TNXB: variants seen among roughly 807,000 people sequenced by gnomAD.
The protein encoded by TNXB is tenascin-X.
In TNXB, 183 loss-of-function variants were observed where a neutral mutation model predicts 340.5. The observed-to-expected ratio is 0.54, with a 90% CI of 0.48 to 0.61. The LOEUF (loss-of-function observed/expected upper bound fraction) is 0.61, where lower values mean the gene tolerates loss of function less well. Among genes scored for constraint, TNXB ranks in the 20% least tolerant of loss-of-function variants. The pLI is 0.00. For synonymous variants in TNXB, 2,121 were observed against 2,314.5 expected, an observed-to-expected ratio of 0.92 and a Z score of 2.40; for missense variants, 4,613 against 5,446.4, an observed-to-expected ratio of 0.85 and a Z score of 4.82.
chr6:32,071,123 G>C (rs1298984060), intron 13 of TNXB, among the ~76,000 whole-genome samples: 3 of 152,204 alleles, frequency 2.0e-5, no homozygotes, highest in Non-Finnish European at 4.4e-5. Flanking sequence ...CATTGTTATT[G>C]CAAGTTTTCT....
chr6:32,045,384 T>A, intron 31 of TNXB, 58 bp from the exon 32 acceptor site: 1 of 1,105,514 alleles, frequency 9.0e-7, no homozygotes, highest in South Asian at 1.5e-5. Context: ...GGTGCTCCAT[T>A]TTTATCTTCC....
rs2151901518 is a variant in TNXB, at chr6:32,056,582, T to C, written c.8143+4A>G. On this transcript the variant is annotated splice_donor_region_variant and intron_variant, in intron 23 of 43. Coordinates refer to ENST00000644971, the MANE Select transcript of TNXB (RefSeq NM_001365276.2). Reference sequence around the variant, plus strand: ...CCACCCTGGGGCTGCCATCATCCACTCACCCGTCACCCCAATGACAGAGAT... The same window carrying C: ...CCACCCTGGGGCTGCCATCATCCACCCACCCGTCACCCCAATGACAGAGAT... The C allele has an allele frequency of 6.2e-7, 1 of 1,612,544 alleles. No individual in the cohort carries two copies. Among genetic ancestry groups the C allele is most frequent in the Non-Finnish European group, 8.5e-7 (1 of 1,179,568 alleles).
In TNXB at chr6:32,067,096, T is replaced by TGAAA. The variant is rs28986184; in HGVS notation, c.6544+561_6544+564dup. Among the ~76,000 whole-genome samples, 11 of 20,746 alleles carry TGAAA rather than the reference T, an allele frequency of 5.3e-4. No individual in the cohort carries two copies. The highest frequency in any genetic ancestry group is 1.7e-3 in the South Asian group (1 of 604). 13.6% of individuals were successfully genotyped at this position (20,746 alleles called of 152,430 possible). ...GTCTAAAAAGAAAGAAAGAAAAGAA[T>TGAAA]GAAAGAAAGAAAGAAAGAGAAAGAA... On this transcript the variant is annotated intron_variant, in intron 18 of 43. Transcript: ENST00000644971. This position sits in a 1 kb window ranked among gnomAD's most constrained non-coding sequence, Gnocchi z 4.2.
Position 32,056,600 on chromosome 6 carries a change from A to T in TNXB, c.8129T>A (p.Val2710Asp). Residue 2710 changes from valine to aspartate, a missense_variant, in exon 23 of 44, where the codon GTC becomes GAC. Physicochemically the swap from Val to Asp is radical, Grantham distance 152. Around this residue, in one of 7 missense-constraint regions of TNXB, gnomAD observed 4,327 missense variants for 4,859.4 expected, o/e 0.89. Transcript: ENST00000644971. ...HGGQRVGPIS[V>D]IGVTAAEEET... ...CATCCACTCACCCGTCACCCCAATG[A>T]CAGAGATGGGGCCCACGCGCTGGCC... 1 of 1,612,996 alleles carries T rather than the reference A, an allele frequency of 6.2e-7. No individual in the cohort carries two copies. The highest frequency in any genetic ancestry group is 8.5e-7 in the Non-Finnish European group (1 of 1,179,838).
Position 32,081,522 on chromosome 6 carries a change from C to A in TNXB, c.3888G>T (p.Lys1296Asn). Residue 1296 changes from lysine to asparagine, a missense_variant, in exon 10 of 44, where the codon AAG becomes AAT. By Grantham distance (94) the Lys-to-Asn change is moderately conservative (BLOSUM62 0). Around this residue, in one of 7 missense-constraint regions of TNXB, gnomAD observed 4,327 missense variants for 4,859.4 expected, o/e 0.89. Transcript: ENST00000644971. This position sits in a 1 kb window ranked among gnomAD's most constrained non-coding sequence, Gnocchi z 5.1. Reference protein sequence around the residue: ...GPFDSFMVQYKDAQGQPQAVP... With the variant: ...GPFDSFMVQYNDAQGQPQAVP... ...CTGCCTGGGGCTGCCCCTGTGCATC[C>A]TTGTACTGGACCATGAATGAGTCGA... 1 of 1,607,592 alleles carries A rather than the reference C, an allele frequency of 6.2e-7. No homozygotes were observed.
In TNXB at chr6:32,081,380, C is replaced by T; in HGVS notation, c.4030G>A (p.Val1344Met). 1 of 1,539,252 alleles carries T rather than the reference C, an allele frequency of 6.5e-7. No individual in the cohort carries two copies. The highest frequency in any genetic ancestry group is 8.8e-7 in the Non-Finnish European group (1 of 1,139,232). Reference protein sequence around the residue: ...GRQRVGPESVVAKTAPQEDVD... With the variant: ...GRQRVGPESVMAKTAPQEDVD... ...AGCCATGACTCACCAGTCTTGGCCA[C>T]CACAGACTCGGGCCCCACACGCTGC... The change falls in exon 10 of 44, where the codon GTG becomes ATG. Residue 1344 changes from valine to methionine, a missense_variant. Val to Met is a conservative substitution (Grantham distance 21). This residue lies in a region of TNXB where 4,327 missense variants were observed against 4,859.4 expected (regional missense o/e 0.89). Coordinates refer to ENST00000644971, the MANE Select transcript of TNXB (RefSeq NM_001365276.2). The surrounding 1 kb of genome is among the most constrained non-coding windows in gnomAD (Gnocchi z 5.1).
Position 32,061,538 on chromosome 6 carries a change from G to A in TNXB, c.7351C>T (p.Arg2451Trp), listed in dbSNP as rs201990072. 73 of 1,613,426 alleles carry A rather than the reference G, an allele frequency of 4.5e-5. No individual in the cohort carries two copies. The African/African-American group carries it at 7.6e-4, about 17-fold the overall frequency. Residue 2451 changes from arginine (R) to tryptophan (W), a missense_variant, in exon 21 of 44, where the codon CGG becomes TGG. Physicochemically the swap from Arg to Trp is moderately radical, Grantham distance 101. Around this residue, in one of 7 missense-constraint regions of TNXB, gnomAD observed 4,327 missense variants for 4,859.4 expected, o/e 0.89. Coordinates refer to ENST00000644971, the MANE Select transcript of TNXB (RefSeq NM_001365276.2). The surrounding 1 kb of genome is among the most constrained non-coding windows in gnomAD (Gnocchi z 4.4). Reference sequence around the variant, plus strand: ...CCCCCAACACGCACCACCTGGGGCCGCCCGTCCCTGTCCTTGTACTGCACG... The same window carrying A: ...CCCCCAACACGCACCACCTGGGGCCACCCGTCCCTGTCCTTGTACTGCACG... Reference protein sequence around the residue: ...FTVQYKDRDGRPQVVRVGGEE... With the variant: ...FTVQYKDRDGWPQVVRVGGEE...
At position 32,042,375 on chromosome 6, in the gene TNXB, T is replaced by C. The variant is rs758499484; in HGVS notation, c.12211-13A>G. Reference sequence around the variant, plus strand: ...GGCGCTGGAACACCTGGGAAGCAAGTGGGGGCACCATCAGCCTCTGGCTCC... The same window carrying C: ...GGCGCTGGAACACCTGGGAAGCAAGCGGGGGCACCATCAGCCTCTGGCTCC... On this transcript the variant is annotated splice_polypyrimidine_tract_variant and intron_variant, in intron 40 of 43. Transcript: ENST00000644971. The C allele has an allele frequency of 2.5e-6, 4 of 1,591,402 alleles. 1 individual carries two copies. In the African/African-American group the frequency reaches 4.3e-5, roughly 17 times the overall value.
rs953595003 is a variant in TNXB at position 32,070,383 on chromosome 6, T to G, written c.5022A>C (p.Pro1674=). 1 of 1,596,864 alleles carries G rather than the reference T, an allele frequency of 6.3e-7. No homozygotes were observed. Among genetic ancestry groups the G allele is most frequent in the Admixed American group, 1.7e-5 (1 of 59,618 alleles). Residue 1674 remains proline (P), a synonymous_variant, in exon 14 of 44, where the codon CCA becomes CCC. Transcript: ENST00000644971. The surrounding 1 kb of genome is among the most constrained non-coding windows in gnomAD (Gnocchi z 6.0). ...VARGDASPGA[P]PRLGELWVTD... is the part of the protein sequence containing the mutation. ...TCACCCACAGCTCCCCAAGGCGGGG[T>G]GGGGCCCCTGGGCTGGCGTCACCTC... is the stretch of plus-strand genomic sequence containing the variant.
Position 32,067,205 on chromosome 6 carries a change from T to C in TNXB, c.6544+456A>G, listed in dbSNP as rs1013869414. On this transcript the variant is annotated intron_variant, in intron 18 of 43. Transcript: ENST00000644971. This position sits in a 1 kb window ranked among gnomAD's most constrained non-coding sequence, Gnocchi z 4.2. ...AAAGAAAACATTCTAGTGATTCTAG[T>C]GGAGGAAGTGGGTGGGGCAGAGATG... Among the ~76,000 whole-genome samples the C allele has an allele frequency of 7.0e-6, 1 of 142,628 alleles. No individual in the cohort carries two copies. Among genetic ancestry groups the C allele is most frequent in the Non-Finnish European group, 1.6e-5 (1 of 63,884 alleles). 93.6% of individuals were successfully genotyped at this position (142,628 alleles called of 152,430 possible).
At chr6:32,102,090 T>A (rs1225538503) in intron 1 of TNXB, among the ~76,000 whole-genome samples, 2 of 152,130 alleles carry the variant, frequency 1.3e-5, no homozygotes, top group Non-Finnish European at 2.9e-5. Flanking sequence ...AAAACCACAA[T>A]AAGATGCCAC....
At chr6:32,043,945 G>C in intron 34 of TNXB, 53 bp from the exon 35 acceptor site, 1 of 1,611,442 alleles carries the variant, frequency 6.2e-7, no homozygotes, top group Non-Finnish European at 8.5e-7. Context: ...GCAGCTGGAG[G>C]GTGGGCAGAG....
Position 32,055,897 on chromosome 6 carries a change from G to A in TNXB, c.8421C>T (p.Leu2807=). The change falls in exon 24 of 44, where the codon CTC becomes CTT. Residue 2807 remains leucine (L), a synonymous_variant. Transcript: ENST00000644971. Reference sequence around the variant, plus strand: ...CCGGGCCCACACGCCGCCCCTCGTGGAGGCCGTACAGGTGCATCTTGTATT... The same window carrying A: ...CCGGGCCCACACGCCGCCCCTCGTGAAGGCCGTACAGGTGCATCTTGTATT... The part of the protein sequence containing the change: ...GRKYKMHLYG[L]HEGRRVGPVS... 6.2e-7 allele frequency: 1 copy of A among 1,613,184 alleles called. No individual in the cohort carries two copies.
rs1047011352 is a variant in TNXB at position 32,046,814 on chromosome 6, TGA to T, written c.10325-360_10325-359del. Among the ~76,000 whole-genome samples, 112 of 152,126 alleles carry T rather than the reference TGA, an allele frequency of 7.4e-4. No homozygotes were observed. Among genetic ancestry groups the T allele is most frequent in the African/African-American group, 2.6e-3 (108 of 41,442 alleles). ...CCCTGAGCAAGAATGAGGCCAGAGC[TGA>T]GAGAGACTCCCCGGAGGTCTCTGGG... On this transcript the variant is annotated intron_variant, in intron 30 of 43. Coordinates refer to ENST00000644971, the MANE Select transcript of TNXB (RefSeq NM_001365276.2). This position sits in a 1 kb window ranked among gnomAD's most constrained non-coding sequence, Gnocchi z 6.9.
In TNXB at chr6:32,056,148, T is replaced by C; in HGVS notation, c.8170A>G (p.Thr2724Ala). ...TAAEEETPSP[T>A]ELSTEAPEPP... Reference sequence around the variant, plus strand: ...TCCGGGGCCTCAGTGCTGAGTTCCGTGGGGCTGGGGGTCTCTTCCTCTGCA... The same window carrying C: ...TCCGGGGCCTCAGTGCTGAGTTCCGCGGGGCTGGGGGTCTCTTCCTCTGCA... Residue 2724 changes from threonine to alanine, a missense_variant, in exon 24 of 44, where the codon ACG (threonine) becomes GCG (alanine). Physicochemically the swap from Thr to Ala is moderately conservative, Grantham distance 58. Coordinates refer to ENST00000644971, the MANE Select transcript of TNXB (RefSeq NM_001365276.2). The C allele has an allele frequency of 6.2e-7, 1 of 1,612,096 alleles. No individual in the cohort carries two copies. The highest frequency in any genetic ancestry group is 8.5e-7 in the Non-Finnish European group (1 of 1,179,424).
chr6:32,064,951 C>T lies in TNXB; in HGVS notation c.6711G>A (p.Ala2237=), dbSNP rs376198482. The T allele has an allele frequency of 2.2e-4, 361 of 1,612,702 alleles. No homozygotes were observed. Among genetic ancestry groups the T allele is most frequent in the Non-Finnish European group, 2.9e-4 (344 of 1,179,872 alleles). ...CATCCTCGTGTCCCGGCACCCGCAC[C>T]GCCTTGGGCTGCCCGTCCCCATTCT... is the stretch of plus-strand genomic sequence containing the variant. ...QFKNGDGQPK[A]VRVPGHEDGV... Residue 2237 remains alanine, a synonymous_variant, in exon 19 of 44, where the codon GCG becomes GCA. Coordinates refer to ENST00000644971, the MANE Select transcript of TNXB (RefSeq NM_001365276.2). This position sits in a 1 kb window ranked among gnomAD's most constrained non-coding sequence, Gnocchi z 5.3.
chr6:32,066,901 C>T (rs1778368922), intron 18 of TNXB, among the ~76,000 whole-genome samples: 1 of 152,016 alleles, frequency 6.6e-6, no homozygotes. Context: ...TAAACCCTGT[C>T]TCTACAAAAA....
At position 32,053,439 on chromosome 6, in the gene TNXB, C is replaced by T. The variant is rs200708257; in HGVS notation, c.8740G>A (p.Gly2914Ser). The change falls in exon 25 of 44, where the codon GGC becomes AGC. Residue 2914 changes from glycine to serine, a missense_variant. By Grantham distance (56) the Gly-to-Ser change is moderately conservative. Coordinates refer to ENST00000644971, the MANE Select transcript of TNXB (RefSeq NM_001365276.2). ...PDHKYKMNLY[G>S]FHGGQRVGPI... is the part of the protein sequence containing the mutation. ...CCCACGCGCTGGCCACCGTGGAAGC[C>T]GTACAGGTTCATCTTGTACTTGTGG... 814 of 1,613,134 alleles carry T rather than the reference C, an allele frequency of 5.0e-4. 2 individuals carry two copies. The highest frequency in any genetic ancestry group is 2.0e-3 in the South Asian group (182 of 91,070).
Position 32,049,698 on chromosome 6 carries a change from T to A in TNXB, c.9440-111A>T. ...GGGACCTGAGGTCATTTCAGAGAAG[T>A]CCATTCTTGGGGCTGGGTGGTCCTG... On this transcript the variant is annotated intron_variant, in intron 27 of 43. Transcript: ENST00000644971. This position sits in a 1 kb window ranked among gnomAD's most constrained non-coding sequence, Gnocchi z 4.5. 3.8e-6 allele frequency: 5 copies of A among 1,331,604 alleles called. No homozygotes were observed. The highest frequency in any genetic ancestry group is 5.1e-6 in the Non-Finnish European group (5 of 987,024). 82.5% of individuals were successfully genotyped at this position (1,331,604 alleles called of 1,614,324 possible).
Sources: allele counts gnomAD v4.1 joint callset (sites outside exome capture counted in the v4.1 genomes callset), GRCh38; gene constraint gnomAD v4.1.1; regional missense constraint gnomAD v4.1.1; non-coding constraint Gnocchi (gnomAD v3.1); transcripts MANE v1.5; gene names NCBI Gene and HGNC (gene_info 2026-07-23, HGNC 2026-07-21).